The following THRAP3 variants were observed in gnomAD, a reference collection of about 807,000 sequenced individuals.
THRAP3 encodes the protein thyroid hormone receptor associated protein 3, also known as thyroid hormone receptor-associated protein 3.
In THRAP3, 16 loss-of-function variants were observed where a neutral mutation model predicts 101.0. The observed-to-expected ratio is 0.16, with a 90% CI of 0.11 to 0.24. The LOEUF (loss-of-function observed/expected upper bound fraction) is 0.24, where lower values mean the gene tolerates loss of function less well. Among genes scored for constraint, THRAP3 ranks in the 10% least tolerant of loss-of-function variants. The pLI, the probability that THRAP3 is intolerant of heterozygous loss-of-function variation, is 1.00. For missense variants in THRAP3, 989 were observed against 1,202.7 expected, an observed-to-expected ratio of 0.82 and a Z score of 2.63; for synonymous variants, 407 against 422.6, an observed-to-expected ratio of 0.96 and a Z score of 0.45.
intron 1 of THRAP3, among the ~76,000 whole-genome samples, chr1:36,232,813 A>G (rs1645042589): frequency 6.6e-6 from 1 of 152,068 alleles, no homozygotes; most frequent in African/African-American, 2.4e-5. Flanking sequence ...GGAGTGATAG[A>G]AATATTCTGT....
intron 1 of THRAP3, among the ~76,000 whole-genome samples, chr1:36,227,836 T>C (rs2124328168): frequency 6.6e-6 from 1 of 152,182 alleles, no homozygotes; most frequent in East Asian, 1.9e-4. Context: ...AACAGAGTGA[T>C]ACCTGGATTC....
chr1:36,241,436 TATAA>T (rs1645159943), intron 1 of THRAP3, among the ~76,000 whole-genome samples: 3 of 146,982 alleles, frequency 2.0e-5, no homozygotes, highest in African/African-American at 7.6e-5. Context: ...TATACACATA[TATAA>T]ATAAATATAT....
Position 36,305,000 on chromosome 1 carries a change from GTTTC to G in THRAP3, c.*987_*990del, listed in dbSNP as rs954128244. On this transcript the variant is annotated 3_prime_UTR_variant, in exon 12 of 12. Coordinates refer to ENST00000354618, the MANE Select transcript of THRAP3 (RefSeq NM_005119.4). ...CTGGGTGGTTCAGGGGTTTTTTTGG[GTTTC>G]TTTTTTTTTTTCTTTGTCTTTTTAA... 6 of 209,652 alleles carry G rather than the reference GTTTC, an allele frequency of 2.9e-5. No homozygotes were observed. Among genetic ancestry groups the G allele is most frequent in the East Asian group, 1.4e-4 (2 of 14,486 alleles). 13.0% of individuals were successfully genotyped at this position (209,652 alleles called of 1,614,324 possible). A position where few individuals can be genotyped will look rare whatever the true frequency, so the allele number is the denominator to read the frequency against.
At chr1:36,228,608 G>T (rs576465471) in intron 1 of THRAP3, among the ~76,000 whole-genome samples, 94 of 152,282 alleles carry the variant, frequency 6.2e-4, no homozygotes, top group Non-Finnish European at 1.1e-3. Context: ...AACGGGCTCG[G>T]CCTTCTAAAG....
At chr1:36,221,439 A>G (rs1644902443), upstream of THRAP3, among the ~76,000 whole-genome samples, 1 of 152,054 alleles carries the variant, frequency 6.6e-6, no homozygotes, top group African/African-American at 2.4e-5. Flanking sequence ...GAGTAAATGG[A>G]TGGGGCAAAC....
intron 1 of THRAP3, chr1:36,225,440 A>G (rs1644950793): frequency 6.6e-6 from 1 of 152,218 alleles, no homozygotes; most frequent in Admixed American, 6.5e-5. Context: ...CAGCTGCCTC[A>G]GTTTTCTTAT....
chr1:36,248,661 A>G (rs910513513), intron 1 of THRAP3, among the ~76,000 whole-genome samples: 1 of 151,498 alleles, frequency 6.6e-6, no homozygotes, highest in Non-Finnish European at 1.5e-5. Flanking sequence ...CCAGCATTTT[A>G]TATTTCTTTG....
chr1:36,258,002 G>A (rs765654843), intron 1 of THRAP3, among the ~76,000 whole-genome samples: 14 of 152,072 alleles, frequency 9.2e-5, no homozygotes, highest in Non-Finnish European at 1.3e-4. Context: ...CACCATGCCC[G>A]GCTACTTTTT....
chr1:36,283,168 T>C (rs1271308787), intron 3 of THRAP3, among the ~76,000 whole-genome samples: 1 of 152,244 alleles, frequency 6.6e-6, no homozygotes, highest in Non-Finnish European at 1.5e-5. Context: ...TTGTATACAA[T>C]GTGCCAATTA....
At position 36,292,256 on chromosome 1, in the gene THRAP3, CTTTGTTTCTTTTTTT is replaced by C. The variant is rs1341115618; in HGVS notation, c.1919-338_1919-324del. ...CTGCCTTTGGTAACATAATGTGTTT[CTTTGTTTCTTTTTTT>C]TTTTTTTTTTTTTTTTTTGAGACGG... On this transcript the variant is annotated intron_variant, in intron 6 of 11. Coordinates refer to ENST00000354618, the MANE Select transcript of THRAP3 (RefSeq NM_005119.4). 7.4e-3 allele frequency among the ~76,000 whole-genome samples: 403 copies of C among 54,568 alleles called. 13 individuals carry two copies. Among genetic ancestry groups the C allele is most frequent in the Admixed American group, 0.017 (47 of 2,726 alleles). The allele number at this position is 54,568 out of a possible 152,430, so 35.8% of individuals were successfully genotyped here.
At chr1:36,287,331 G>A in intron 4 of THRAP3, 61 bp downstream of exon 4, 4 of 1,498,270 alleles carry the variant, frequency 2.7e-6, no homozygotes, top group Non-Finnish European at 3.6e-6. Flanking sequence ...CAGTTTAATT[G>A]TAATGTGATC....
the THRAP3 span, among the ~76,000 whole-genome samples, chr1:36,217,894 C>T: frequency 6.6e-6 from 1 of 152,052 alleles, no homozygotes; most frequent in Non-Finnish European, 1.5e-5. Flanking sequence ...TGACATTAGG[C>T]CAATTAATAA....
chr1:36,291,641 C>G (rs1002460181), intron 6 of THRAP3, 95 bp downstream of exon 6: 2 of 1,414,424 alleles, frequency 1.4e-6, no homozygotes, highest in Non-Finnish European at 1.9e-6. Flanking sequence ...GACCTTGTAT[C>G]TCATCTAAAG....
In THRAP3 at chr1:36,293,896, T is replaced by A; in HGVS notation, c.2076T>A (p.Ala692=). ...SPSTFRKHGL[A]HDEMKSPREP... The stretch of plus-strand genomic sequence containing the variant: ...GTACATTCAGAAAACATGGTTTGGC[T>A]CATGATGAAATGAAAAGTCCCCGGG... The change falls in exon 8 of 12, where the codon GCT becomes GCA. Residue 692 remains alanine (A), a synonymous_variant. Coordinates refer to ENST00000354618, the MANE Select transcript of THRAP3 (RefSeq NM_005119.4). 1 of 1,613,886 alleles carries A rather than the reference T, an allele frequency of 6.2e-7. No individual in the cohort carries two copies. The highest frequency in any genetic ancestry group is 8.5e-7 in the Non-Finnish European group (1 of 1,179,844).
At position 36,304,151 on chromosome 1, in the gene THRAP3, C is replaced by G. The variant is rs1646066396; in HGVS notation, c.*134C>G. 8 of 1,347,358 alleles carry G rather than the reference C, an allele frequency of 5.9e-6. No homozygotes were observed. The highest frequency in any genetic ancestry group is 7.9e-6 in the Non-Finnish European group (8 of 1,018,578). 83.5% of individuals were successfully genotyped at this position (1,347,358 alleles called of 1,614,324 possible). A position where few individuals can be genotyped will look rare whatever the true frequency, so the allele number is the denominator to read the frequency against. On this transcript the variant is annotated 3_prime_UTR_variant, in exon 12 of 12. Coordinates refer to ENST00000354618, the MANE Select transcript of THRAP3 (RefSeq NM_005119.4). ...CCCCCCACCAGCCGCACAGATTGTA[C>G]TACCGCGAGAGGCATCCCTGGCGCT...
At chr1:36,230,640 A>G (rs1203058596) in intron 1 of THRAP3, among the ~76,000 whole-genome samples, 3 of 152,026 alleles carry the variant, frequency 2.0e-5, no homozygotes, top group Admixed American at 6.6e-5. Flanking sequence ...TTTGTAGTGT[A>G]TTTTTCAGGT....
chr1:36,229,440 A>C (rs1181121361), intron 1 of THRAP3, among the ~76,000 whole-genome samples: 2 of 125,838 alleles, frequency 1.6e-5, no homozygotes, highest in Non-Finnish European at 3.3e-5. Flanking sequence ...TTTTTTTGAG[A>C]ATAAGTAGTA....
At chr1:36,234,754 T>C (rs1005619438) in intron 1 of THRAP3, among the ~76,000 whole-genome samples, 2 of 152,006 alleles carry the variant, frequency 1.3e-5, no homozygotes, top group South Asian at 2.1e-4. Context: ...CTTTGTCTTA[T>C]TCATTGTGTA....
intron 2 of THRAP3, among the ~76,000 whole-genome samples, chr1:36,278,917 C>G (rs1163632348): frequency 6.6e-6 from 1 of 151,242 alleles, no homozygotes; most frequent in East Asian, 1.9e-4. Context: ...GAGCAAAACT[C>G]TGTCTCAAAA....
Sources: gnomAD v4.1 joint callset for allele counts (sites outside exome capture counted in the v4.1 genomes callset) on GRCh38, gnomAD v4.1.1 for gene constraint, MANE v1.5 for transcripts, NCBI Gene and HGNC (gene_info 2026-07-23, HGNC 2026-07-21) for gene names.